Variants in SLC9A2 observed in about 807,000 individuals in gnomAD.
SLC9A2 encodes the protein sodium/hydrogen exchanger 2.
SLC9A2 carries 42 observed loss-of-function variants against 71.7 expected under a neutral mutation model. That is an observed-to-expected ratio of 0.59 (90% CI 0.46 to 0.76). The LOEUF is 0.76. Among genes scored for constraint, SLC9A2 ranks in the 30% least tolerant of loss-of-function variants. The pLI, the probability that SLC9A2 is intolerant of heterozygous loss-of-function variation, is 0.00. For missense variants in SLC9A2, 829 were observed against 1,017.4 expected (o/e 0.81, Z 2.52); for synonymous variants, 396 against 392.5 (o/e 1.01, Z -0.10).
chr2:102,670,849 C>CTTT (rs10687841), intron 3 of SLC9A2, among the ~76,000 whole-genome samples: 3,016 of 75,762 alleles, frequency 0.04, 238 homozygotes, highest in East Asian at 0.068. Flanking sequence ...GGAAGGCATG[C>CTTT]TTTTTTTTTT....
chr2:102,708,075 T>A, intron 11 of SLC9A2, 44 bp from the exon 12 acceptor site: 1 of 1,572,100 alleles, frequency 6.4e-7, no homozygotes, highest in Non-Finnish European at 8.6e-7. Context: ...TGCAATGCCT[T>A]CTCTCTAAAA....
chr2:102,708,133 G>A lies in SLC9A2; in HGVS notation c.2083G>A (p.Asp695Asn), dbSNP rs1678019048. Residue 695 changes from aspartate to asparagine, a missense_variant, in exon 12 of 12, where the codon GAC becomes AAC. Asp to Asn is a conservative substitution (Grantham distance 23, BLOSUM62 1). Coordinates refer to ENST00000233969, the MANE Select transcript of SLC9A2 (RefSeq NM_003048.6). ...CTCCGTGATAGATGGCAATAGCAGC[G>A]ACTCAGACGCAGATGCCGGGACCAC... ...TISIADGNSS[D>N]SDADAGTTVL... 1 of 1,612,116 alleles carries A rather than the reference G, an allele frequency of 6.2e-7. No individual in the cohort carries two copies. The highest frequency in any genetic ancestry group is 8.5e-7 in the Non-Finnish European group (1 of 1,179,220).
chr2:102,683,523 A>C (rs1677494258), intron 4 of SLC9A2, 45 bp downstream of exon 4: 2 of 1,422,840 alleles, frequency 1.4e-6, no homozygotes, highest in African/African-American at 2.8e-5. Flanking sequence ...AACACTCACT[A>C]ATTGAATGGG....
intron 1 of SLC9A2, among the ~76,000 whole-genome samples, chr2:102,644,432 G>A (rs576283822): frequency 2.0e-4 from 31 of 152,176 alleles, no homozygotes; most frequent in Middle Eastern, 3.4e-3. Context: ...GCTCCCCCCC[G>A]CCCAGTGGCT....
intron 1 of SLC9A2, among the ~76,000 whole-genome samples, chr2:102,622,574 A>T (rs1391112157): frequency 6.6e-6 from 1 of 152,198 alleles, no homozygotes; most frequent in Admixed American, 6.5e-5. Context: ...AAATGAAAAA[A>T]TGGGGAGATT....
chr2:102,704,581 C>G lies in SLC9A2; in HGVS notation c.1883C>G (p.Thr628Arg), dbSNP rs1396494838. Residue 628 changes from threonine to arginine, a missense_variant, in exon 10 of 12, where the codon ACA becomes AGA. Transcript: ENST00000233969. ...AACAGACACAGTCTGACAGCCGACACAAGTGAGAGACAAGCCAAGGAGATT... is the reference window on the plus strand; with the variant it reads ...AACAGACACAGTCTGACAGCCGACAGAAGTGAGAGACAAGCCAAGGAGATT... ...SYNRHSLTAD[T>R]SERQAKEILI... 1 of 1,613,370 alleles carries G rather than the reference C, an allele frequency of 6.2e-7. No homozygotes were observed. The highest frequency in any genetic ancestry group is 1.1e-5 in the South Asian group (1 of 91,068).
rs552865036 is a variant in SLC9A2 at position 102,637,790 on chromosome 2, C to A, written c.289+17653C>A. Reference sequence around the variant, plus strand: ...TGCTTAAAGGATGGGAAATCTGTTACCTAATTCATGGAATCTCTGCCTAAG... The same window carrying A: ...TGCTTAAAGGATGGGAAATCTGTTAACTAATTCATGGAATCTCTGCCTAAG... On this transcript the variant is annotated intron_variant, in intron 1 of 11. Transcript: ENST00000233969. 3.9e-5 allele frequency among the ~76,000 whole-genome samples: 6 copies of A among 152,334 alleles called. No homozygotes were observed. The South Asian group carries it at 6.2e-4, about 16-fold the overall frequency.
intron 3 of SLC9A2, among the ~76,000 whole-genome samples, chr2:102,676,074 TCC>T (rs1677340928): frequency 6.7e-6 from 1 of 148,812 alleles, no homozygotes; most frequent in African/African-American, 2.6e-5. Context: ...TGTAAGAACT[TCC>T]AGAAAGCAGC....
intron 1 of SLC9A2, among the ~76,000 whole-genome samples, chr2:102,630,749 G>T (rs1676340540): frequency 6.6e-6 from 1 of 151,382 alleles, no homozygotes; most frequent in Admixed American, 6.6e-5. Context: ...TAAGCTGTTT[G>T]GGCCCTTTTT....
chr2:102,673,586 G>C (rs1389270715), intron 3 of SLC9A2, among the ~76,000 whole-genome samples: 1 of 152,032 alleles, frequency 6.6e-6, no homozygotes, highest in African/African-American at 2.4e-5. Context: ...GTATTTTTGT[G>C]TAACTGAAAA....
intron 1 of SLC9A2, among the ~76,000 whole-genome samples, chr2:102,631,836 A>G (rs1336849306): frequency 6.6e-6 from 1 of 151,294 alleles, no homozygotes; most frequent in Non-Finnish European, 1.5e-5. Context: ...ATAATAGCTT[A>G]GCAGTTGACA....
intron 1 of SLC9A2, among the ~76,000 whole-genome samples, chr2:102,646,772 T>TAC (rs1465856519): frequency 1.4e-5 from 2 of 143,436 alleles, no homozygotes; most frequent in African/African-American, 5.6e-5. Flanking sequence ...ATCCTAAATA[T>TAC]ATATATATAT....
intron 1 of SLC9A2, among the ~76,000 whole-genome samples, chr2:102,652,473 TG>T (rs1358158726): frequency 1.3e-5 from 2 of 152,170 alleles, no homozygotes; most frequent in Non-Finnish European, 2.9e-5. Context: ...TCCTTCTCCT[TG>T]GAATAGGAAA....
intron 1 of SLC9A2, among the ~76,000 whole-genome samples, chr2:102,643,754 T>C (rs1169357700): frequency 6.6e-6 from 1 of 152,190 alleles, no homozygotes; most frequent in Non-Finnish European, 1.5e-5. Context: ...GCTTTTTTCA[T>C]CTTTTTTCAT....
intron 3 of SLC9A2, among the ~76,000 whole-genome samples, 173 bp from the exon 4 acceptor site, chr2:102,683,088 T>C (rs895025652): frequency 6.6e-6 from 1 of 152,118 alleles, no homozygotes; most frequent in Non-Finnish European, 1.5e-5. Flanking sequence ...CCTCCGGAGA[T>C]TGCAGGATTT....
Position 102,632,102 on chromosome 2 carries a change from A to G in SLC9A2, c.289+11965A>G, listed in dbSNP as rs1322173911. Among the ~76,000 whole-genome samples, 18 of 128,860 alleles carry G rather than the reference A, an allele frequency of 1.4e-4. No individual in the cohort carries two copies. The South Asian group carries it at 3.1e-3, about 22-fold the overall frequency. The allele number at this position is 128,860 out of a possible 152,430, so 84.5% of individuals were successfully genotyped here. ...CACACATATATATACACATATATAT[A>G]CATATATATGTATATATACATATAT... On this transcript the variant is annotated intron_variant, in intron 1 of 11. Coordinates refer to ENST00000233969, the MANE Select transcript of SLC9A2 (RefSeq NM_003048.6).
intron 5 of SLC9A2, among the ~76,000 whole-genome samples, chr2:102,693,575 G>C (rs1476834271): frequency 6.6e-6 from 1 of 152,160 alleles, no homozygotes; most frequent in Non-Finnish European, 1.5e-5. Context: ...AACGTGCCCA[G>C]ACTGGCCGCA....
chr2:102,658,822 C>A (rs1045233102), intron 2 of SLC9A2, among the ~76,000 whole-genome samples: 4 of 152,062 alleles, frequency 2.6e-5, no homozygotes, highest in African/African-American at 7.2e-5. Flanking sequence ...CCAAAGAGCT[C>A]TGTGTCCACC....
At chr2:102,636,776 T>C (rs904319894) in intron 1 of SLC9A2, among the ~76,000 whole-genome samples, 5 of 152,108 alleles carry the variant, frequency 3.3e-5, no homozygotes, top group African/African-American at 9.7e-5. Flanking sequence ...TGTACCAGAG[T>C]CTTTATCAGC....
Sources: gnomAD v4.1 joint callset for allele counts (sites outside exome capture counted in the v4.1 genomes callset) on GRCh38, gnomAD v4.1.1 for gene constraint, MANE v1.5 for transcripts, NCBI Gene and HGNC (gene_info 2026-07-23, HGNC 2026-07-21) for gene names.